The following ATP1A2 variants were observed in gnomAD, a reference collection of about 807,000 sequenced individuals.
ATP1A2 encodes the protein sodium/potassium-transporting ATPase subunit alpha-2.
In ATP1A2, 56 loss-of-function variants were observed where a neutral mutation model predicts 113.1. The observed-to-expected ratio is 0.49, with a 90% CI of 0.40 to 0.62. The LOEUF (loss-of-function observed/expected upper bound fraction) is 0.62. Among genes scored for constraint, ATP1A2 ranks in the 20% least tolerant of loss-of-function variants. The pLI, the probability that ATP1A2 is intolerant of heterozygous loss-of-function variation, is 0.00. For synonymous variants in ATP1A2, 490 were observed against 526.8 expected, an observed-to-expected ratio of 0.93 and a Z score of 0.96; for missense variants, 712 against 1,357.8, an observed-to-expected ratio of 0.52 and a Z score of 7.47.
chr1:160,140,260 CT>C (rs1346508301), intron 22 of ATP1A2, among the ~76,000 whole-genome samples: 3 of 152,170 alleles, frequency 2.0e-5, no homozygotes, highest in Non-Finnish European at 4.4e-5. Context: ...TTAGAAGGGC[CT>C]TTCCAGGTCA....
chr1:160,127,888 C>A (rs1651632793), intron 8 of ATP1A2, 68 bp downstream of exon 8: 17 of 1,517,422 alleles, frequency 1.1e-5, no homozygotes, highest in Non-Finnish European at 1.5e-5. Flanking sequence ...GTGATAGAGG[C>A]ACAGTTGCTT....
At chr1:160,134,732 T>G in intron 14 of ATP1A2, 112 bp downstream of exon 14, 2 of 1,483,268 alleles carry the variant, frequency 1.3e-6, no homozygotes, top group South Asian at 2.3e-5. Context: ...TTTATAGGCC[T>G]TACCTCTGAC....
intron 13 of ATP1A2, among the ~76,000 whole-genome samples, chr1:160,131,640 A>T (rs981788616): frequency 7.9e-4 from 120 of 152,158 alleles, no homozygotes; most frequent in Non-Finnish European, 2.6e-4. Context: ...AGCCTGGCCA[A>T]CATGGTGAAA....
chr1:160,125,031 C>T, intron 6 of ATP1A2, 105 bp from the exon 7 acceptor site: 1 of 891,050 alleles, frequency 1.1e-6, no homozygotes, highest in Non-Finnish European at 1.9e-6. Context: ...TGACTTTGTT[C>T]CTCGTGTCAT....
intron 20 of ATP1A2, among the ~76,000 whole-genome samples, chr1:160,137,510 G>A (rs893433215): frequency 6.6e-5 from 10 of 152,188 alleles, no homozygotes; most frequent in Non-Finnish European, 1.0e-4. Flanking sequence ...TTAGCCCCAC[G>A]ATAGCTCTAT....
chr1:160,138,644 C>G (rs936979061), intron 20 of ATP1A2, among the ~76,000 whole-genome samples: 6 of 152,062 alleles, frequency 3.9e-5, no homozygotes, highest in African/African-American at 1.4e-4. Flanking sequence ...GAGTTTGGTA[C>G]TAGCCTGGGC....
rs1651915437 is a variant in ATP1A2, at chr1:160,135,662, C to G, written c.2284+60C>G. 1 of 1,612,116 alleles carries G rather than the reference C, an allele frequency of 6.2e-7. No individual in the cohort carries two copies. The highest frequency in any genetic ancestry group is 8.5e-7 in the Non-Finnish European group (1 of 1,179,858). ...GATACTGAAGCCGGCACCTCTGTTC[C>G]CTGTCCCTTTACCCCAGTTGAAGAA... On this transcript the variant is annotated intron_variant, in intron 16 of 22. Transcript: ENST00000361216. This position sits in a 1 kb window ranked among gnomAD's most constrained non-coding sequence, Gnocchi z 6.3.
chr1:160,140,144 G>A (rs900407975), intron 22 of ATP1A2, 160 bp downstream of exon 22: 10 of 726,592 alleles, frequency 1.4e-5, no homozygotes, highest in Admixed American at 1.1e-4. Context: ...TGACTCTTTC[G>A]AACCTGTTGT....
chr1:160,125,092 A>C, intron 6 of ATP1A2, 44 bp from the exon 7 acceptor site: 1 of 1,528,608 alleles, frequency 6.5e-7, no homozygotes, highest in Non-Finnish European at 9.1e-7. Context: ...TGTGCATACA[A>C]GTGGCTCTGC....
In ATP1A2 at chr1:160,130,606, C is replaced by T; in HGVS notation, c.1827+9C>T. 6.2e-7 allele frequency: 1 copy of T among 1,614,036 alleles called. No homozygotes were observed. Reference sequence around the variant, plus strand: ...GAAGCGCAGGCATCAAGGTACTGGCCTCCCATCCTCCCCTCCATTCTAGCC... The same window carrying T: ...GAAGCGCAGGCATCAAGGTACTGGCTTCCCATCCTCCCCTCCATTCTAGCC... On this transcript the variant is annotated intron_variant, in intron 13 of 22. Transcript: ENST00000361216.
chr1:160,134,826 C>G (rs1651884670), intron 14 of ATP1A2, among the ~76,000 whole-genome samples: 1 of 152,230 alleles, frequency 6.6e-6, no homozygotes, highest in Admixed American at 6.5e-5. Flanking sequence ...ATGTCACATT[C>G]CCTTCCTGAG....
intron 1 of ATP1A2, 34 bp from the exon 2 acceptor site, chr1:160,120,872 T>C: frequency 6.6e-7 from 1 of 1,520,724 alleles, no homozygotes; most frequent in Non-Finnish European, 8.8e-7. Context: ...GCCCCTCTCT[T>C]CCCTGACTCT....
intron 4 of ATP1A2, among the ~76,000 whole-genome samples, 170 bp downstream of exon 4, chr1:160,123,586 T>C (rs1651490385): frequency 6.6e-6 from 1 of 152,174 alleles, no homozygotes; most frequent in African/African-American, 2.4e-5. Flanking sequence ...TGTAAAGTAC[T>C]CCTCCGCCAA....
chr1:160,122,627 G>A (rs1414657571), intron 3 of ATP1A2, among the ~76,000 whole-genome samples: 1 of 152,160 alleles, frequency 6.6e-6, no homozygotes, highest in Non-Finnish European at 1.5e-5. Flanking sequence ...GAAAGTGACA[G>A]GTGATTGCCA....
At chr1:160,116,166 G>A (rs1009759371) in intron 1 of ATP1A2, among the ~76,000 whole-genome samples, 2 of 150,876 alleles carry the variant, frequency 1.3e-5, no homozygotes, top group East Asian at 3.9e-4. Flanking sequence ...CACATCTCTA[G>A]TCCTTCCCTG....
Position 160,136,670 on chromosome 1 carries a change from T to A in ATP1A2, c.2664T>A (p.Asp888Glu). 6.2e-7 allele frequency: 1 copy of A among 1,614,238 alleles called. No homozygotes were observed. The highest frequency in any genetic ancestry group is 8.5e-7 in the Non-Finnish European group (1 of 1,180,038). ...TACTGGGAATCCGCCTCGACTGGGA[T>A]GACCGGACCATGAATGATCTGGAGG... Reference protein sequence around the residue: ...SRLLGIRLDWDDRTMNDLEDS... With the variant: ...SRLLGIRLDWEDRTMNDLEDS... Residue 888 changes from aspartate (D) to glutamate (E), a missense_variant, in exon 19 of 23, where the codon GAT (aspartate) becomes GAA (glutamate). Asp to Glu is a conservative substitution (Grantham distance 45, BLOSUM62 2). This residue lies in a region of ATP1A2 where 188 missense variants were observed against 438.9 expected (regional missense o/e 0.43). Coordinates refer to ENST00000361216, the MANE Select transcript of ATP1A2 (RefSeq NM_000702.4).
chr1:160,124,199 G>A (rs1651509292), intron 5 of ATP1A2, 97 bp from the exon 6 acceptor site: 15 of 1,552,890 alleles, frequency 9.7e-6, no homozygotes, highest in African/African-American at 1.4e-5. Flanking sequence ...AATTGTTTAT[G>A]GGGCTTCTCC....
intron 13 of ATP1A2, among the ~76,000 whole-genome samples, chr1:160,130,934 C>T (rs768499768): frequency 6.6e-6 from 1 of 152,170 alleles, no homozygotes; most frequent in Non-Finnish European, 1.5e-5. Context: ...CCAACTACTG[C>T]CCACCCTCTC....
In ATP1A2 at chr1:160,136,532, C is replaced by T. The variant is rs1487838501; in HGVS notation, c.2564-38C>T. ...GGGGCTGTGCCCCTTCTGCTTCCTGCTCTGACCCTGCCCCTGCCTTTGGCC... is the reference window on the plus strand; with the variant it reads ...GGGGCTGTGCCCCTTCTGCTTCCTGTTCTGACCCTGCCCCTGCCTTTGGCC... On this transcript the variant is annotated intron_variant, in intron 18 of 22. Coordinates refer to ENST00000361216, the MANE Select transcript of ATP1A2 (RefSeq NM_000702.4). The T allele has an allele frequency of 1.2e-6, 2 of 1,614,166 alleles. 1 individual carries two copies. The highest frequency in any genetic ancestry group is 2.2e-5 in the South Asian group (2 of 91,074).
Sources: gnomAD v4.1 joint callset for allele counts (sites outside exome capture counted in the v4.1 genomes callset) on GRCh38, gnomAD v4.1.1 for gene constraint, gnomAD v4.1.1 regional missense constraint, Gnocchi (gnomAD v3.1) non-coding constraint, MANE v1.5 for transcripts, NCBI Gene and HGNC (gene_info 2026-07-23, HGNC 2026-07-21) for gene names.